The following PPARGC1A variants were observed in gnomAD, a reference collection of about 807,000 sequenced individuals.
PPARGC1A encodes the protein peroxisome proliferator-activated receptor gamma coactivator 1-alpha.
A neutral mutation model predicts 88.7 loss-of-function variants in PPARGC1A; 25 were observed. The ratio of observed to expected loss-of-function variants is 0.28; its 90% CI spans 0.21 to 0.39. The LOEUF is 0.39. PPARGC1A is among the 10% of genes least tolerant of loss of function. PPARGC1A has a pLI of 1.00. For missense variants in PPARGC1A, 880 were observed against 968.7 expected, an observed-to-expected ratio of 0.91 and a Z score of 1.22; for synonymous variants, 363 against 355.6, an observed-to-expected ratio of 1.02 and a Z score of -0.24.
the PPARGC1A span, among the ~76,000 whole-genome samples, chr4:24,458,814 C>A: frequency 6.6e-6 from 1 of 152,010 alleles, no homozygotes; most frequent in Non-Finnish European, 1.5e-5. Flanking sequence ...TATATGGAGG[C>A]ATATGAAATA....
chr4:23,801,329 C>T (rs933041677), intron 12 of PPARGC1A, among the ~76,000 whole-genome samples: 5 of 151,944 alleles, frequency 3.3e-5, no homozygotes, highest in Non-Finnish European at 7.4e-5. Context: ...ATACTACACA[C>T]ATACATGTTT....
At chr4:24,380,349 G>A in the PPARGC1A span, among the ~76,000 whole-genome samples, 2 of 152,150 alleles carry the variant, frequency 1.3e-5, no homozygotes, top group Admixed American at 6.5e-5. Flanking sequence ...CAGGAGGCAC[G>A]AGAAACAACA....
chr4:24,149,086 G>A, the PPARGC1A span, among the ~76,000 whole-genome samples: 6 of 151,946 alleles, frequency 3.9e-5, no homozygotes, highest in Non-Finnish European at 7.4e-5. Context: ...AAGTTGGGGG[G>A]AAGGGACATG....
chr4:24,106,847 A>T, the PPARGC1A span, among the ~76,000 whole-genome samples: 1 of 152,228 alleles, frequency 6.6e-6, no homozygotes, highest in Non-Finnish European at 1.5e-5. Context: ...TGCAAGAGTG[A>T]GCCCAGCTGA....
chr4:24,238,620 T>C, the PPARGC1A span, among the ~76,000 whole-genome samples: 1 of 152,172 alleles, frequency 6.6e-6, no homozygotes, highest in African/African-American at 2.4e-5. Flanking sequence ...GTTATTATAT[T>C]GGTCACTGGA....
intron 9 of PPARGC1A, 28 bp downstream of exon 9, chr4:23,812,993 G>C (rs1161044110): frequency 1.5e-5 from 24 of 1,611,902 alleles, no homozygotes; most frequent in African/African-American, 4.0e-5. Context: ...GATAAAGGGA[G>C]CTAAAGGAAA....
the PPARGC1A span, among the ~76,000 whole-genome samples, chr4:24,055,020 C>T: frequency 1.8e-3 from 267 of 152,276 alleles, no homozygotes; most frequent in African/African-American, 6.2e-3. Context: ...CCCCTTTTAC[C>T]GATGAGGAAG....
the PPARGC1A span, among the ~76,000 whole-genome samples, chr4:24,417,428 C>T: frequency 6.6e-6 from 1 of 152,172 alleles, no homozygotes; most frequent in Non-Finnish European, 1.5e-5. Flanking sequence ...AGCAGAAAAA[C>T]AGTTGTCAGT....
intron 2 of PPARGC1A, among the ~76,000 whole-genome samples, chr4:23,834,160 C>T (rs1476327015): frequency 1.3e-5 from 2 of 151,988 alleles, no homozygotes; most frequent in Non-Finnish European, 2.9e-5. Context: ...ATTAGCCAGG[C>T]GTGGTGGCGG....
the PPARGC1A span, among the ~76,000 whole-genome samples, chr4:24,191,877 C>T: frequency 4.6e-5 from 7 of 152,070 alleles, no homozygotes; most frequent in Non-Finnish European, 8.8e-5. Context: ...AGCAAAGCAC[C>T]GTGGGAGTGA....
chr4:24,281,719 A>G, the PPARGC1A span, among the ~76,000 whole-genome samples: 1 of 152,176 alleles, frequency 6.6e-6, no homozygotes, highest in Admixed American at 6.5e-5. Flanking sequence ...CAGAAGTTCC[A>G]TGAAGGGCAG....
At chr4:23,845,565 G>T (rs1308402156) in intron 2 of PPARGC1A, among the ~76,000 whole-genome samples, 2 of 152,066 alleles carry the variant, frequency 1.3e-5, no homozygotes, top group African/African-American at 4.8e-5. Context: ...TTTCTGTGAG[G>T]CCATCTAGGG....
chr4:24,005,987 A>C, the PPARGC1A span, among the ~76,000 whole-genome samples: 1 of 152,082 alleles, frequency 6.6e-6, no homozygotes, highest in East Asian at 1.9e-4. Context: ...ACTAGATGCA[A>C]GATTCCTGAT....
At chr4:24,409,837 T>C in the PPARGC1A span, among the ~76,000 whole-genome samples, 1 of 152,226 alleles carries the variant, frequency 6.6e-6, no homozygotes, top group Non-Finnish European at 1.5e-5. Flanking sequence ...AGAGAGTATA[T>C]GTTTGGACCA....
intron 1 of PPARGC1A, among the ~76,000 whole-genome samples, chr4:23,895,989 T>C (rs1015017682): frequency 1.4e-5 from 2 of 141,632 alleles, no homozygotes; most frequent in Non-Finnish European, 3.0e-5. Flanking sequence ...TGTATATATA[T>C]ATACACACAC....
the PPARGC1A span, among the ~76,000 whole-genome samples, chr4:23,949,659 T>G: frequency 1.2e-3 from 185 of 152,284 alleles, no homozygotes; most frequent in African/African-American, 4.0e-3. Context: ...CTGTAGACTT[T>G]GCAAATCTCA....
the PPARGC1A span, among the ~76,000 whole-genome samples, chr4:23,913,269 G>GAT: frequency 3.4e-5 from 1 of 29,322 alleles, no homozygotes; most frequent in Non-Finnish European, 6.2e-5. Flanking sequence ...TATATATATA[G>GAT]AGAGAGAGAG....
chr4:24,470,246 G>A, the PPARGC1A span, among the ~76,000 whole-genome samples: 1 of 145,850 alleles, frequency 6.9e-6, no homozygotes, highest in East Asian at 2.1e-4. This position sits in a 1 kb window ranked among gnomAD's most constrained non-coding sequence, Gnocchi z 5.8. Context: ...AAGACGAGCA[G>A]GGCTTGGTTT....
chr4:24,343,507 T>C, the PPARGC1A span, among the ~76,000 whole-genome samples: 3 of 152,208 alleles, frequency 2.0e-5, no homozygotes, highest in Admixed American at 6.5e-5. Context: ...TTACTAAACA[T>C]CGAACCTGCC....
Sources: gnomAD v4.1 joint callset for allele counts (sites outside exome capture counted in the v4.1 genomes callset) on GRCh38, gnomAD v4.1.1 for gene constraint, Gnocchi (gnomAD v3.1) non-coding constraint, MANE v1.5 for transcripts, NCBI Gene and HGNC (gene_info 2026-07-23, HGNC 2026-07-21) for gene names.